SLC43A2: variants seen among roughly 807,000 people sequenced by gnomAD.
SLC43A2 encodes solute carrier family 43 member 2, also known as large neutral amino acids transporter small subunit 4.
A neutral mutation model predicts 63.2 loss-of-function variants in SLC43A2; 38 were observed. The observed-to-expected ratio is 0.60, with a 90% CI of 0.46 to 0.79. The LOEUF (loss-of-function observed/expected upper bound fraction) is 0.79, where lower values mean the gene tolerates loss of function less well. SLC43A2 is among the 30% of genes least tolerant of loss of function. SLC43A2 has a pLI of 0.00. For synonymous variants in SLC43A2, 322 were observed against 331.0 expected (o/e 0.97, Z 0.30); for missense variants, 644 against 756.2 (o/e 0.85, Z 1.74).
chr17:1,591,605 G>A lies in SLC43A2; in HGVS notation c.689C>T (p.Pro230Leu). 1 of 1,549,716 alleles carries A rather than the reference G, an allele frequency of 6.5e-7. No individual in the cohort carries two copies. Among genetic ancestry groups the A allele is most frequent in the Non-Finnish European group, 8.7e-7 (1 of 1,146,840 alleles). Residue 230 changes from proline to leucine, a missense_variant, in exon 7 of 14, where the codon CCC (proline) becomes CTC (leucine). Physicochemically the swap from Pro to Leu is moderately conservative, Grantham distance 98. Coordinates refer to ENST00000301335, the MANE Select transcript of SLC43A2 (RefSeq NM_152346.3). ...CTCCGGCCCCGGGAAGGGCTCAAGG[G>A]GCCAGTTAAAGAAGCAGTTGAGGAA... ...LVFLNCFFNW[P>L]LEPFPGPEDM... is the part of the protein sequence containing the mutation.
chr17:1,618,493 C>T (rs567846557), intron 2 of SLC43A2, among the ~76,000 whole-genome samples: 18 of 152,322 alleles, frequency 1.2e-4, no homozygotes, highest in South Asian at 2.1e-4. Flanking sequence ...CGGGGAATCA[C>T]GGCACCATCA....
At chr17:1,598,121 A>G (rs1477988154) in intron 5 of SLC43A2, among the ~76,000 whole-genome samples, 6 of 150,738 alleles carry the variant, frequency 4.0e-5, no homozygotes, top group East Asian at 1.9e-4. Flanking sequence ...AGCCGGCGCA[A>G]AGAAAGAAAG....
At chr17:1,621,516 C>G (rs1908153943) in intron 2 of SLC43A2, among the ~76,000 whole-genome samples, 1 of 152,228 alleles carries the variant, frequency 6.6e-6, no homozygotes, top group South Asian at 2.1e-4. Flanking sequence ...GAGAGGTCGG[C>G]TCAGACACAG....
At chr17:1,600,152 A>ATATATATATATTTTT (rs1216616243) in intron 5 of SLC43A2, among the ~76,000 whole-genome samples, 15 of 60,280 alleles carry the variant, frequency 2.5e-4, no homozygotes, top group South Asian at 5.3e-4. Flanking sequence ...ATATATATAT[A>ATATATATATATTTTT]TTTTTTTTTT....
intron 11 of SLC43A2, among the ~76,000 whole-genome samples, chr17:1,580,644 CT>C (rs2075997925): frequency 6.6e-6 from 1 of 152,002 alleles, no homozygotes; most frequent in African/African-American, 2.4e-5. Flanking sequence ...TCACTGCAAC[CT>C]CTGTCTCCTG....
intron 5 of SLC43A2, among the ~76,000 whole-genome samples, chr17:1,594,798 C>A (rs959658580): frequency 2.0e-5 from 3 of 151,808 alleles, no homozygotes; most frequent in Non-Finnish European, 4.4e-5. Context: ...CCACGTTAGC[C>A]AGGATGGTCT....
chr17:1,603,708 C>T (rs1159039139), intron 5 of SLC43A2, among the ~76,000 whole-genome samples: 1 of 152,110 alleles, frequency 6.6e-6, no homozygotes, highest in East Asian at 1.9e-4. Flanking sequence ...TCGCTTGAAC[C>T]CAGGAGGCAG....
Position 1,593,129 on chromosome 17 carries a change from T to C in SLC43A2, c.594+58A>G, listed in dbSNP as rs1904978427. The C allele has an allele frequency of 6.6e-7, 1 of 1,521,730 alleles. No individual in the cohort carries two copies. The highest frequency in any genetic ancestry group is 1.2e-5 in the South Asian group (1 of 85,904). The allele number at this position is 1,521,730 out of a possible 1,614,324, so 94.3% of individuals were successfully genotyped here. A position where few individuals can be genotyped will look rare whatever the true frequency, so the allele number is the denominator to read the frequency against. On this transcript the variant is annotated intron_variant, in intron 6 of 13. Transcript: ENST00000301335. The surrounding 1 kb of genome is among the most constrained non-coding windows in gnomAD (Gnocchi z 5.3). Reference sequence around the variant, plus strand: ...CAATTGCCTCCCTCTTCAGAGAGGGTGGAAGGAGCCTGGAGCAGGCCTCTG... The same window carrying C: ...CAATTGCCTCCCTCTTCAGAGAGGGCGGAAGGAGCCTGGAGCAGGCCTCTG...
intron 2 of SLC43A2, among the ~76,000 whole-genome samples, chr17:1,619,268 C>T (rs1158197321): frequency 2.6e-5 from 4 of 152,224 alleles, no homozygotes; most frequent in Admixed American, 2.6e-4. Flanking sequence ...CACCACTGCA[C>T]TCCAGCCTGG....
Position 1,576,709 on chromosome 17 carries a change from G to A in SLC43A2, c.1436C>T (p.Thr479Ile). 1 of 1,610,112 alleles carries A rather than the reference G, an allele frequency of 6.2e-7. No homozygotes were observed. The highest frequency in any genetic ancestry group is 8.5e-7 in the Non-Finnish European group (1 of 1,179,854). ...GGLYAAVYPS[T>I]QFGSLTGLQS... ...CAGTCCCGTGAGGCTGCCGAACTGG[G>A]TGGAGGGGTACCTGCAGGGCAAGCG... The change falls in exon 13 of 14, where the codon ACC (threonine) becomes ATC (isoleucine). Residue 479 changes from threonine (T) to isoleucine (I), a missense_variant. Coordinates refer to ENST00000301335, the MANE Select transcript of SLC43A2 (RefSeq NM_152346.3).
intron 11 of SLC43A2, among the ~76,000 whole-genome samples, chr17:1,582,550 A>G (rs1208579173): frequency 6.6e-6 from 1 of 152,176 alleles, no homozygotes; most frequent in African/African-American, 2.4e-5. Flanking sequence ...GATACAAAAC[A>G]AGGAACTCTA....
In SLC43A2 at chr17:1,569,566, A is replaced by G. The variant is rs2075816867; in HGVS notation, c.*6038T>C. ...TACACAGTCTTCCCAACATGTACAC[A>G]CCCTGACATGCCCGGATGCATCTCA... On this transcript the variant is annotated 3_prime_UTR_variant, in exon 14 of 14. Coordinates refer to ENST00000301335, the MANE Select transcript of SLC43A2 (RefSeq NM_152346.3). The G allele has an allele frequency of 6.6e-6, 1 of 152,232 alleles. No individual in the cohort carries two copies. The highest frequency in any genetic ancestry group is 1.5e-5 in the Non-Finnish European group (1 of 68,064). The allele number at this position is 152,232 out of a possible 1,614,324, so 9.4% of individuals were successfully genotyped here. A position where few individuals can be genotyped will look rare whatever the true frequency, so the allele number is the denominator to read the frequency against.
At chr17:1,584,776 A>C (rs974171955) in intron 10 of SLC43A2, among the ~76,000 whole-genome samples, 16 of 151,468 alleles carry the variant, frequency 1.1e-4, no homozygotes, top group African/African-American at 2.9e-4. Flanking sequence ...GCCGAGATAG[A>C]GCCACTGCAC....
At position 1,578,195 on chromosome 17, in the gene SLC43A2, C is replaced by T. The variant is rs370371621; in HGVS notation, c.1424+55G>A. 3 of 1,569,382 alleles carry T rather than the reference C, an allele frequency of 1.9e-6. No homozygotes were observed. The African/African-American group carries it at 4.1e-5, about 21-fold the overall frequency. On this transcript the variant is annotated intron_variant, in intron 12 of 13. Coordinates refer to ENST00000301335, the MANE Select transcript of SLC43A2 (RefSeq NM_152346.3). This position sits in a 1 kb window ranked among gnomAD's most constrained non-coding sequence, Gnocchi z 6.5. ...GTCTCAGTCCCACCAGCAACCTCCCCCCGGCCATTCCCACACCCTCGCCCA... is the reference window on the plus strand; with the variant it reads ...GTCTCAGTCCCACCAGCAACCTCCCTCCGGCCATTCCCACACCCTCGCCCA...
chr17:1,600,638 C>G (rs1905903369), intron 5 of SLC43A2, among the ~76,000 whole-genome samples: 1 of 141,640 alleles, frequency 7.1e-6, no homozygotes, highest in Non-Finnish European at 1.5e-5. Context: ...ACTGCAACCT[C>G]TGCCTCCCAG....
rs527759810 is a variant in SLC43A2 at position 1,605,885 on chromosome 17, C to T, written c.501+7310G>A. 3.9e-5 allele frequency among the ~76,000 whole-genome samples: 6 copies of T among 152,276 alleles called. No homozygotes were observed. The East Asian group carries it at 1.2e-3, about 29-fold the overall frequency. On this transcript the variant is annotated intron_variant, in intron 5 of 13. Transcript: ENST00000301335. This position sits in a 1 kb window ranked among gnomAD's most constrained non-coding sequence, Gnocchi z 4.9. ...GGAGGGGAAGGGTGTGCTCCCCTCC[C>T]CCGGCCACCTCCTGTGCCTTCCCGG...
chr17:1,606,534 T>A lies in SLC43A2; in HGVS notation c.501+6661A>T, dbSNP rs1906626251. On this transcript the variant is annotated intron_variant, in intron 5 of 13. Transcript: ENST00000301335. The surrounding 1 kb of genome is among the most constrained non-coding windows in gnomAD (Gnocchi z 4.7). ...AGGGGTCAGAGTAATGGAGTGGAAA[T>A]GGCAGGTTCACAATTTTGGCTACAG... Among the ~76,000 whole-genome samples, 1 of 152,096 alleles carries A rather than the reference T, an allele frequency of 6.6e-6. No individual in the cohort carries two copies. Among genetic ancestry groups the A allele is most frequent in the Non-Finnish European group, 1.5e-5 (1 of 68,002 alleles).
At chr17:1,579,616 A>G (rs12946826) in intron 11 of SLC43A2, among the ~76,000 whole-genome samples, 66,934 of 151,794 alleles carry the variant, frequency 0.44, 15,571 homozygotes, top group African/African-American at 0.56. Context: ...TGGGAGGATC[A>G]CTTGAGCCCA....
In SLC43A2 at chr17:1,606,437, G is replaced by A. The variant is rs1318521306; in HGVS notation, c.501+6758C>T. Among the ~76,000 whole-genome samples, 1 of 152,208 alleles carries A rather than the reference G, an allele frequency of 6.6e-6. No individual in the cohort carries two copies. Among genetic ancestry groups the A allele is most frequent in the African/African-American group, 2.4e-5 (1 of 41,448 alleles). On this transcript the variant is annotated intron_variant, in intron 5 of 13. Coordinates refer to ENST00000301335, the MANE Select transcript of SLC43A2 (RefSeq NM_152346.3). The surrounding 1 kb of genome is among the most constrained non-coding windows in gnomAD (Gnocchi z 4.7). ...CCACAGAGAAATGTCTCATCGGGGA[G>A]CCTGGCAACATTTTGAAACCCGCTT...
Sources: allele counts gnomAD v4.1 joint callset (sites outside exome capture counted in the v4.1 genomes callset), GRCh38; gene constraint gnomAD v4.1.1; non-coding constraint Gnocchi (gnomAD v3.1); transcripts MANE v1.5; gene names NCBI Gene and HGNC (gene_info 2026-07-23, HGNC 2026-07-21).